The following POFUT3 variants were observed in gnomAD, a reference collection of about 807,000 sequenced individuals.
The protein encoded by POFUT3 is GDP-fucose protein O-fucosyltransferase 3.
chr8:33,366,512 C>T, the POFUT3 span, among the ~76,000 whole-genome samples: 1 of 151,910 alleles, frequency 6.6e-6, no homozygotes, highest in Non-Finnish European at 1.5e-5. Context: ...ATTATAAAAA[C>T]AAATGATAAA....
At chr8:33,424,363 T>C in the POFUT3 span, among the ~76,000 whole-genome samples, 7 of 152,280 alleles carry the variant, frequency 4.6e-5, no homozygotes, top group Middle Eastern at 6.8e-3. Context: ...ACTTCTTCCC[T>C]GTGTCCCGCA....
the POFUT3 span, among the ~76,000 whole-genome samples, chr8:33,321,556 C>T: frequency 6.6e-6 from 1 of 152,038 alleles, no homozygotes; most frequent in Admixed American, 6.6e-5. Context: ...CTGGCTTCCC[C>T]CAAAGATGCT....
At chr8:33,414,661 G>A in the POFUT3 span, among the ~76,000 whole-genome samples, 6 of 151,970 alleles carry the variant, frequency 3.9e-5, no homozygotes, top group South Asian at 2.1e-4. Flanking sequence ...ATGCTTTTCC[G>A]TCTCCCCTAC....
the POFUT3 span, among the ~76,000 whole-genome samples, chr8:33,427,969 AC>A: frequency 1.6e-4 from 25 of 152,178 alleles, no homozygotes; most frequent in African/African-American, 5.8e-4. Flanking sequence ...ACTAAAAAAT[AC>A]AAAAATTAGC....
At chr8:33,341,130 C>T in the POFUT3 span, among the ~76,000 whole-genome samples, 1 of 152,084 alleles carries the variant, frequency 6.6e-6, no homozygotes, top group Middle Eastern at 3.4e-3. Context: ...AAATCAATAA[C>T]AGAGCACTAA....
chr8:33,338,542 G>C, the POFUT3 span, among the ~76,000 whole-genome samples: 1 of 152,210 alleles, frequency 6.6e-6, no homozygotes, highest in East Asian at 1.9e-4. Context: ...CACTTCTATA[G>C]GCAAAAATGA....
chr8:33,464,798 T>A, the POFUT3 span, among the ~76,000 whole-genome samples: 18 of 151,998 alleles, frequency 1.2e-4, no homozygotes, highest in East Asian at 2.7e-3. Flanking sequence ...AAAATAATTT[T>A]AAAAAAAGAA....
At chr8:33,361,837 A>C in the POFUT3 span, among the ~76,000 whole-genome samples, 44 of 152,306 alleles carry the variant, frequency 2.9e-4, no homozygotes, top group African/African-American at 8.4e-4. Flanking sequence ...TCCCAATTGA[A>C]AAACCAAGAC....
the POFUT3 span, among the ~76,000 whole-genome samples, chr8:33,418,956 A>C: frequency 6.6e-6 from 1 of 152,218 alleles, no homozygotes; most frequent in Admixed American, 6.5e-5. Flanking sequence ...TATTAGGTTA[A>C]GTGAAATAAG....
At chr8:33,320,247 TA>T in the POFUT3 span, among the ~76,000 whole-genome samples, 3 of 152,096 alleles carry the variant, frequency 2.0e-5, no homozygotes, top group African/African-American at 4.8e-5. Context: ...CTTCTCAAAA[TA>T]AATTAGGGGG....
chr8:33,398,969 C>T, the POFUT3 span, among the ~76,000 whole-genome samples: 3 of 152,148 alleles, frequency 2.0e-5, no homozygotes, highest in African/African-American at 7.2e-5. Flanking sequence ...TTCAGTTTTG[C>T]TATCTTTAAA....
chr8:33,380,728 TCAGGAGGCTGAGG>T, the POFUT3 span, among the ~76,000 whole-genome samples: 1 of 151,834 alleles, frequency 6.6e-6, no homozygotes, highest in East Asian at 1.9e-4. Flanking sequence ...TCCCGGCTAC[TCAGGAGGCTGAGG>T]CAGGAGGAAT....
the POFUT3 span, chr8:33,389,734 A>G: frequency 6.2e-7 from 1 of 1,614,206 alleles, no homozygotes; most frequent in Non-Finnish European, 8.5e-7. Flanking sequence ...ACTCTTCATG[A>G]AAAACAGCCC....
At chr8:33,326,733 A>G in the POFUT3 span, among the ~76,000 whole-genome samples, 1 of 152,090 alleles carries the variant, frequency 6.6e-6, no homozygotes, top group Non-Finnish European at 1.5e-5. Context: ...TCTCACCTGG[A>G]ATATTGCTCT....
chr8:33,440,469 C>T, the POFUT3 span, among the ~76,000 whole-genome samples: 5 of 152,138 alleles, frequency 3.3e-5, no homozygotes, highest in African/African-American at 1.2e-4. Flanking sequence ...GTTTTCTTTG[C>T]CACTATAACC....
chr8:33,451,699 A>G, the POFUT3 span: 1 of 152,104 alleles, frequency 6.6e-6, no homozygotes, highest in South Asian at 2.1e-4. Context: ...TCATACTGCT[A>G]TGAAGAAATA....
chr8:33,408,613 G>T, the POFUT3 span, among the ~76,000 whole-genome samples: 1 of 152,120 alleles, frequency 6.6e-6, no homozygotes, highest in Non-Finnish European at 1.5e-5. Flanking sequence ...TGCAACAAAG[G>T]CTGGAAATCT....
the POFUT3 span, among the ~76,000 whole-genome samples, chr8:33,434,007 T>C: frequency 6.8e-6 from 1 of 147,416 alleles, no homozygotes; most frequent in East Asian, 2.0e-4. Context: ...CTCATGCCTG[T>C]AATCCCAGCA....
the POFUT3 span, among the ~76,000 whole-genome samples, chr8:33,406,663 C>T: frequency 2.0e-5 from 3 of 151,654 alleles, no homozygotes; most frequent in Admixed American, 6.6e-5. Flanking sequence ...TGAACTCCTG[C>T]GCTCAAACAA....
Sources: allele counts gnomAD v4.1 joint callset (sites outside exome capture counted in the v4.1 genomes callset), GRCh38; gene constraint gnomAD v4.1.1; transcripts MANE v1.5; gene names NCBI Gene and HGNC (gene_info 2026-07-23, HGNC 2026-07-21).